SORCS1: variants seen among roughly 807,000 people sequenced by gnomAD.
SORCS1 encodes the protein sortilin related VPS10 domain containing receptor 1, also known as VPS10 domain-containing receptor SorCS1.
Under a neutral mutation model 146.1 loss-of-function variants are expected in SORCS1, and 60 were observed. The observed-to-expected ratio is 0.41, with a 90% CI of 0.33 to 0.51. The LOEUF (loss-of-function observed/expected upper bound fraction) is 0.51. Among genes scored for constraint, SORCS1 ranks in the 20% least tolerant of loss-of-function variants. The pLI, the probability that SORCS1 is intolerant of heterozygous loss-of-function variation, is 0.21. For missense variants in SORCS1, 1,352 were observed against 1,487.6 expected, an observed-to-expected ratio of 0.91 and a Z score of 1.50; for synonymous variants, 637 against 584.0, an observed-to-expected ratio of 1.09 and a Z score of -1.31.
At chr10:106,723,978 A>G (rs1855964972) in intron 6 of SORCS1, among the ~76,000 whole-genome samples, 2 of 152,194 alleles carry the variant, frequency 1.3e-5, no homozygotes, top group African/African-American at 4.8e-5. Flanking sequence ...ATACCCTTGT[A>G]TGTACTTTTT....
At chr10:106,886,755 G>T (rs1202561391) in intron 2 of SORCS1, among the ~76,000 whole-genome samples, 2 of 152,178 alleles carry the variant, frequency 1.3e-5, no homozygotes, top group Admixed American at 6.5e-5. Context: ...ACCCTATAAT[G>T]CCATAAAGCT....
intron 6 of SORCS1, among the ~76,000 whole-genome samples, chr10:106,726,405 T>C (rs953523077): frequency 8.0e-6 from 1 of 125,038 alleles, no homozygotes; most frequent in African/African-American, 3.1e-5. Flanking sequence ...TAAATAAAAT[T>C]AGAACTGATA....
At chr10:106,726,009 C>G (rs1856136292) in intron 6 of SORCS1, among the ~76,000 whole-genome samples, 1 of 151,596 alleles carries the variant, frequency 6.6e-6, no homozygotes, top group South Asian at 2.1e-4. Context: ...GCTGATGAGA[C>G]TGTAACCTGA....
chr10:107,104,834 G>A (rs900698445), intron 1 of SORCS1, among the ~76,000 whole-genome samples: 8 of 152,178 alleles, frequency 5.3e-5, no homozygotes, highest in African/African-American at 1.9e-4. Flanking sequence ...GAAAGAACAG[G>A]TCAGCAGTTT....
chr10:107,032,313 A>T (rs1327574780), intron 1 of SORCS1, among the ~76,000 whole-genome samples: 1 of 152,224 alleles, frequency 6.6e-6, no homozygotes, highest in East Asian at 1.9e-4. Flanking sequence ...CATGGCATGG[A>T]TCAAAAGCCT....
intron 2 of SORCS1, among the ~76,000 whole-genome samples, chr10:106,871,237 T>C (rs994329800): frequency 5.9e-5 from 9 of 152,192 alleles, no homozygotes; most frequent in African/African-American, 2.2e-4. Flanking sequence ...AGGGAACACT[T>C]ATACACTATT....
intron 1 of SORCS1, among the ~76,000 whole-genome samples, chr10:107,158,327 T>C (rs1287727295): frequency 6.6e-6 from 1 of 152,266 alleles, no homozygotes; most frequent in Non-Finnish European, 1.5e-5. Context: ...AAAACTTTCG[T>C]TAAACATAGT....
At chr10:106,896,444 A>C (rs901621913) in intron 2 of SORCS1, among the ~76,000 whole-genome samples, 1 of 151,454 alleles carries the variant, frequency 6.6e-6, no homozygotes, top group African/African-American at 2.4e-5. Context: ...AAAAAAAAAA[A>C]AAAGAAATGA....
chr10:106,874,851 T>C (rs1950540857), intron 2 of SORCS1, among the ~76,000 whole-genome samples: 1 of 152,226 alleles, frequency 6.6e-6, no homozygotes, highest in Non-Finnish European at 1.5e-5. Flanking sequence ...ATTTGGATTT[T>C]ATTATGTGTA....
At chr10:106,874,813 T>C (rs961120474) in intron 2 of SORCS1, among the ~76,000 whole-genome samples, 1 of 152,220 alleles carries the variant, frequency 6.6e-6, no homozygotes, top group Non-Finnish European at 1.5e-5. Context: ...AGATCACGTA[T>C]GGCCTTTATT....
chr10:106,676,563 G>T (rs1852042276), intron 13 of SORCS1, among the ~76,000 whole-genome samples: 1 of 152,264 alleles, frequency 6.6e-6, no homozygotes, highest in East Asian at 1.9e-4. Flanking sequence ...TGGTGAGGGT[G>T]TGAGGGTGAA....
intron 1 of SORCS1, among the ~76,000 whole-genome samples, chr10:106,971,978 G>A (rs189310211): frequency 1.6e-4 from 24 of 152,250 alleles, no homozygotes; most frequent in Non-Finnish European, 7.4e-5. Flanking sequence ...GGTTGAAAGG[G>A]CTGGATTCTG....
rs1554905205 is a variant in SORCS1, at chr10:106,709,344, G to GA, written c.1025-4dup. 3 of 1,602,540 alleles carry GA rather than the reference G, an allele frequency of 1.9e-6. No individual in the cohort carries two copies. Among genetic ancestry groups the GA allele is most frequent in the African/African-American group, 2.7e-5 (2 of 74,252 alleles). ...TCGGCAAGTTAGATAATGTGAATCT[G>GA]AAAAACAAAAACAAAAACAAAAACA... On this transcript the variant is annotated splice_polypyrimidine_tract_variant and splice_region_variant and intron_variant, in intron 6 of 25. Transcript: ENST00000263054.
chr10:106,698,592 T>A (rs886391282), intron 9 of SORCS1, among the ~76,000 whole-genome samples: 2 of 152,216 alleles, frequency 1.3e-5, no homozygotes, highest in Non-Finnish European at 2.9e-5. Flanking sequence ...CATACATGAT[T>A]TTCTTTTGAA....
chr10:106,844,787 T>C (rs1330136979), intron 2 of SORCS1, among the ~76,000 whole-genome samples: 18 of 134,936 alleles, frequency 1.3e-4, no homozygotes, highest in Non-Finnish European at 2.8e-4. Flanking sequence ...TGTGTCCATG[T>C]GATCTCATTG....
chr10:106,952,861 T>C (rs1954757608), intron 2 of SORCS1, among the ~76,000 whole-genome samples: 1 of 151,646 alleles, frequency 6.6e-6, no homozygotes, highest in African/African-American at 2.4e-5. Context: ...CAAATATTTG[T>C]AGTCCCAGCT....
intron 2 of SORCS1, among the ~76,000 whole-genome samples, chr10:106,921,554 T>C (rs750232746): frequency 6.6e-6 from 1 of 152,226 alleles, no homozygotes; most frequent in Non-Finnish European, 1.5e-5. Context: ...AATCATTATA[T>C]AATCATTTAA....
chr10:107,105,373 G>C (rs991712666), intron 1 of SORCS1, among the ~76,000 whole-genome samples: 1 of 152,284 alleles, frequency 6.6e-6, no homozygotes, highest in Admixed American at 6.5e-5. Flanking sequence ...TATATATGAA[G>C]GAAGTTTATT....
chr10:106,763,797 T>G (rs181240007), intron 4 of SORCS1, among the ~76,000 whole-genome samples: 53 of 152,328 alleles, frequency 3.5e-4, no homozygotes, highest in African/African-American at 1.3e-3. Context: ...TAATAGCCTT[T>G]CAAGAGAACC....
Sources: allele counts gnomAD v4.1 joint callset (sites outside exome capture counted in the v4.1 genomes callset), GRCh38; gene constraint gnomAD v4.1.1; transcripts MANE v1.5; gene names NCBI Gene and HGNC (gene_info 2026-07-23, HGNC 2026-07-21).